Variants in RFTN1 observed in about 807,000 individuals in gnomAD.
The protein encoded by RFTN1 is raftlin, lipid raft linker 1.
RFTN1 carries 26 observed loss-of-function variants against 46.5 expected under a neutral mutation model. That is an observed-to-expected ratio of 0.56 (90% CI 0.41 to 0.78). The LOEUF (loss-of-function observed/expected upper bound fraction) is 0.78, where lower values mean the gene tolerates loss of function less well. RFTN1 is among the 30% of genes least tolerant of loss of function. The pLI is 0.00. For synonymous variants in RFTN1, 261 were observed against 284.2 expected, an observed-to-expected ratio of 0.92 and a Z score of 0.82; for missense variants, 693 against 718.7, an observed-to-expected ratio of 0.96 and a Z score of 0.41.
intron 7 of RFTN1, among the ~76,000 whole-genome samples, chr3:16,350,488 A>G (rs561289858): frequency 7.3e-6 from 1 of 136,976 alleles, no homozygotes; most frequent in East Asian, 2.2e-4. Context: ...GCTGAGATGA[A>G]TCACTTTTTT....
chr3:16,440,729 T>C lies in RFTN1; in HGVS notation c.146-6692A>G, dbSNP rs73144398. On this transcript the variant is annotated intron_variant, in intron 2 of 9. Transcript: ENST00000334133. This position sits in a 1 kb window ranked among gnomAD's most constrained non-coding sequence, Gnocchi z 4.6. ...GGTGCCAGAACTTCTAACTCTTACT[T>C]TCAAGAAGTCAGAAATCTTAATCTT... Among the ~76,000 whole-genome samples, 4,081 of 152,226 alleles carry C rather than the reference T, an allele frequency of 0.027. 206 individuals are homozygous for C. Among genetic ancestry groups the C allele is most frequent in the African/African-American group, 0.093 (3,845 of 41,486 alleles).
At chr3:16,435,583 A>T (rs2075492900) in intron 2 of RFTN1, among the ~76,000 whole-genome samples, 1 of 152,178 alleles carries the variant, frequency 6.6e-6, no homozygotes. Context: ...AAAGCAAAAA[A>T]ACAAAACAAA....
In RFTN1 at chr3:16,449,269, CT is replaced by C. The variant is rs1448689394; in HGVS notation, c.146-15233del. On this transcript the variant is annotated intron_variant, in intron 2 of 9. Coordinates refer to ENST00000334133, the MANE Select transcript of RFTN1 (RefSeq NM_015150.2). This position sits in a 1 kb window ranked among gnomAD's most constrained non-coding sequence, Gnocchi z 5.1. Reference sequence around the variant, plus strand: ...TGGAATTGAATTATAGGAGAGAAAGCTGATTATTCATCAAATCTGGCTCAGG... The same window carrying C: ...TGGAATTGAATTATAGGAGAGAAAGCGATTATTCATCAAATCTGGCTCAGG... Among the ~76,000 whole-genome samples, 2 of 152,202 alleles carry C rather than the reference CT, an allele frequency of 1.3e-5. No homozygotes were observed. Among genetic ancestry groups the C allele is most frequent in the Non-Finnish European group, 2.9e-5 (2 of 68,040 alleles).
chr3:16,463,718 C>T (rs2076043780), intron 2 of RFTN1, among the ~76,000 whole-genome samples: 1 of 152,160 alleles, frequency 6.6e-6, no homozygotes, highest in African/African-American at 2.4e-5. Context: ...GGGGAATGGT[C>T]ACATTGACAC....
intron 2 of RFTN1, among the ~76,000 whole-genome samples, chr3:16,439,642 T>C (rs999958839): frequency 2.3e-4 from 35 of 152,132 alleles, no homozygotes; most frequent in African/African-American, 7.7e-4. Flanking sequence ...AAACCAGAGC[T>C]AGAATTGGAA....
In RFTN1 at chr3:16,322,317, C is replaced by T. The variant is rs775721785; in HGVS notation, c.1332+1059G>A. ...AGTCACCATTGCTTTGGCACTCCTT[C>T]CACAAGTGGGCTCCCCCTGGAGTTG... On this transcript the variant is annotated intron_variant, in intron 9 of 9. Transcript: ENST00000334133. The surrounding 1 kb of genome is among the most constrained non-coding windows in gnomAD (Gnocchi z 6.2). Among the ~76,000 whole-genome samples, 8 of 152,240 alleles carry T rather than the reference C, an allele frequency of 5.3e-5. No individual in the cohort carries two copies. The highest frequency in any genetic ancestry group is 1.0e-4 in the Non-Finnish European group (7 of 68,044).
At chr3:16,477,936 A>T (rs555512020) in intron 2 of RFTN1, among the ~76,000 whole-genome samples, 186 of 152,382 alleles carry the variant, frequency 1.2e-3, no homozygotes, top group African/African-American at 4.4e-3. Context: ...GCATGAAATT[A>T]GAAAAACATG....
At chr3:16,461,563 T>C (rs1449319838) in intron 2 of RFTN1, among the ~76,000 whole-genome samples, 2 of 152,190 alleles carry the variant, frequency 1.3e-5, no homozygotes, top group South Asian at 2.1e-4. Flanking sequence ...CAATAGCAGA[T>C]GCTTCAAGAG....
chr3:16,469,807 C>T (rs79773245), intron 2 of RFTN1, among the ~76,000 whole-genome samples: 365 of 152,308 alleles, frequency 2.4e-3, no homozygotes, highest in Non-Finnish European at 4.2e-3. Context: ...AAAGTCAACC[C>T]CAGGGGAAGA....
chr3:16,484,289 C>T lies in RFTN1; in HGVS notation c.145+9436G>A, dbSNP rs1004772308. 5.3e-5 allele frequency among the ~76,000 whole-genome samples: 8 copies of T among 152,178 alleles called. No individual in the cohort carries two copies. The highest frequency in any genetic ancestry group is 3.3e-4 in the Admixed American group (5 of 15,282). On this transcript the variant is annotated intron_variant, in intron 2 of 9. Coordinates refer to ENST00000334133, the MANE Select transcript of RFTN1 (RefSeq NM_015150.2). The surrounding 1 kb of genome is among the most constrained non-coding windows in gnomAD (Gnocchi z 4.6). ...CTTCTGTAGTTGTGTGTCAGACTAA[C>T]ACCCCCCAGACTGGAGGTCAAAGAA... is the stretch of plus-strand genomic sequence containing the variant.
Position 16,481,093 on chromosome 3 carries a change from G to A in RFTN1, c.145+12632C>T, listed in dbSNP as rs1284763992. Among the ~76,000 whole-genome samples, 2 of 151,834 alleles carry A rather than the reference G, an allele frequency of 1.3e-5. No individual in the cohort carries two copies. The highest frequency in any genetic ancestry group is 4.8e-5 in the African/African-American group (2 of 41,288). On this transcript the variant is annotated intron_variant, in intron 2 of 9. Transcript: ENST00000334133. The surrounding 1 kb of genome is among the most constrained non-coding windows in gnomAD (Gnocchi z 5.1). The stretch of plus-strand genomic sequence containing the variant: ...TCTTGGTCTGGATTTAGAGTAGCTG[G>A]GAAAACAGCATGAAGAGTTTTTACA...
rs1412644646 is a variant in RFTN1, at chr3:16,338,872, C to T, written c.1147-11996G>A. ...GGACCTGGGGAGAGAGCCAGTCTGT[C>T]TGCAGGAATTCTAGAACCCAAAACT... On this transcript the variant is annotated intron_variant, in intron 7 of 9. Coordinates refer to ENST00000334133, the MANE Select transcript of RFTN1 (RefSeq NM_015150.2). The surrounding 1 kb of genome is among the most constrained non-coding windows in gnomAD (Gnocchi z 5.3). 2.0e-5 allele frequency among the ~76,000 whole-genome samples: 3 copies of T among 152,194 alleles called. No homozygotes were observed. The highest frequency in any genetic ancestry group is 7.2e-5 in the African/African-American group (3 of 41,446).
intron 2 of RFTN1, among the ~76,000 whole-genome samples, chr3:16,493,134 AAC>A (rs1479100555): frequency 6.6e-6 from 1 of 152,240 alleles, no homozygotes; most frequent in Non-Finnish European, 1.5e-5. Flanking sequence ...CTTGCTATGA[AAC>A]AGTCTGCAAA....
chr3:16,435,698 T>G (rs2075496692), intron 2 of RFTN1, among the ~76,000 whole-genome samples: 1 of 152,156 alleles, frequency 6.6e-6, no homozygotes, highest in Middle Eastern at 3.2e-3. Flanking sequence ...ATGCAAACTT[T>G]TGCTCTTACA....
intron 1 of RFTN1, among the ~76,000 whole-genome samples, chr3:16,505,353 A>T (rs1410702069): frequency 6.6e-6 from 1 of 152,098 alleles, no homozygotes; most frequent in African/African-American, 2.4e-5. Flanking sequence ...CTTTTCCTCC[A>T]GTGGACCTCC....
chr3:16,424,699 C>T lies in RFTN1; in HGVS notation c.332+9152G>A, dbSNP rs968893489. Among the ~76,000 whole-genome samples the T allele has an allele frequency of 6.6e-6, 1 of 152,172 alleles. No homozygotes were observed. The highest frequency in any genetic ancestry group is 2.4e-5 in the African/African-American group (1 of 41,440). On this transcript the variant is annotated intron_variant, in intron 3 of 9. Coordinates refer to ENST00000334133, the MANE Select transcript of RFTN1 (RefSeq NM_015150.2). This position sits in a 1 kb window ranked among gnomAD's most constrained non-coding sequence, Gnocchi z 4.7. ...TATAGCATCTTTATAGCATTTACCTCTTTGTAAATGGTTCCATCTTTCAAT... is the reference window on the plus strand; with the variant it reads ...TATAGCATCTTTATAGCATTTACCTTTTTGTAAATGGTTCCATCTTTCAAT...
rs930548591 is a variant in RFTN1, at chr3:16,433,837, C to T, written c.332+14G>A. The T allele has an allele frequency of 6.1e-5, 98 of 1,613,618 alleles. No individual in the cohort carries two copies. The highest frequency in any genetic ancestry group is 2.0e-4 in the Admixed American group (12 of 60,002). On this transcript the variant is annotated intron_variant, in intron 3 of 9. Coordinates refer to ENST00000334133, the MANE Select transcript of RFTN1 (RefSeq NM_015150.2). This position sits in a 1 kb window ranked among gnomAD's most constrained non-coding sequence, Gnocchi z 4.4. Reference sequence around the variant, plus strand: ...CGCAACAGGATGCTACCCATTCACCCGTGGAGGCCTTACCTGTCGGTTTTC... The same window carrying T: ...CGCAACAGGATGCTACCCATTCACCTGTGGAGGCCTTACCTGTCGGTTTTC...
chr3:16,392,749 A>G (rs1256356198), intron 4 of RFTN1, among the ~76,000 whole-genome samples: 1 of 152,154 alleles, frequency 6.6e-6, no homozygotes, highest in Non-Finnish European at 1.5e-5. Flanking sequence ...CCATATTTGT[A>G]AATGAGTCTG....
rs1418586568 is a variant in RFTN1 at position 16,427,998 on chromosome 3, G to A, written c.332+5853C>T. Among the ~76,000 whole-genome samples the A allele has an allele frequency of 6.6e-6, 1 of 151,488 alleles. No homozygotes were observed. Among genetic ancestry groups the A allele is most frequent in the East Asian group, 1.9e-4 (1 of 5,186 alleles). On this transcript the variant is annotated intron_variant, in intron 3 of 9. Coordinates refer to ENST00000334133, the MANE Select transcript of RFTN1 (RefSeq NM_015150.2). This position sits in a 1 kb window ranked among gnomAD's most constrained non-coding sequence, Gnocchi z 5.4. Reference sequence around the variant, plus strand: ...AAACCAAGACCTGTAGACTTACCTGGGCAATTATATAATTTGCACATATAT... The same window carrying A: ...AAACCAAGACCTGTAGACTTACCTGAGCAATTATATAATTTGCACATATAT...
Sources: allele counts gnomAD v4.1 joint callset (sites outside exome capture counted in the v4.1 genomes callset), GRCh38; gene constraint gnomAD v4.1.1; non-coding constraint Gnocchi (gnomAD v3.1); transcripts MANE v1.5; gene names NCBI Gene and HGNC (gene_info 2026-07-23, HGNC 2026-07-21).